The following ARNT2 variants were observed in gnomAD, a reference collection of about 807,000 sequenced individuals.
ARNT2 encodes the protein ARNT protein 2.
ARNT2 carries 36 observed loss-of-function variants against 91.7 expected under a neutral mutation model. The ratio of observed to expected loss-of-function variants is 0.39; its 90% confidence interval spans 0.30 to 0.52. ARNT2 has a LOEUF of 0.52. ARNT2 is among the 20% of genes least tolerant of loss of function. The pLI is 0.72. For missense variants in ARNT2, 775 were observed against 939.3 expected, an observed-to-expected ratio of 0.83 and a Z score of 2.29; for synonymous variants, 365 against 347.1, an observed-to-expected ratio of 1.05 and a Z score of -0.57.
chr15:80,455,569 C>A (rs1896470041), intron 2 of ARNT2, among the ~76,000 whole-genome samples: 1 of 152,068 alleles, frequency 6.6e-6, no homozygotes, highest in Admixed American at 6.5e-5. Flanking sequence ...GGGTAAAGAA[C>A]AGAACTCTTT....
At chr15:80,483,284 A>G (rs1896917045) in intron 5 of ARNT2, among the ~76,000 whole-genome samples, 1 of 146,446 alleles carries the variant, frequency 6.8e-6, no homozygotes. Context: ...CTGCTGAACT[A>G]AAGAATTTAG....
chr15:80,565,595 C>T (rs1414573136), intron 12 of ARNT2, among the ~76,000 whole-genome samples: 1 of 150,414 alleles, frequency 6.6e-6, no homozygotes, highest in Non-Finnish European at 1.5e-5. Flanking sequence ...GATGGTATCT[C>T]ATTGTGGTTT....
chr15:80,562,716 A>G (rs549053557), intron 11 of ARNT2: 1 of 263,526 alleles, frequency 3.8e-6, no homozygotes, highest in African/African-American at 2.2e-5. Flanking sequence ...CTTGGGGGTG[A>G]GTGGAGAGCA....
rs116735765 is a variant in ARNT2, at chr15:80,494,396, G to A, written c.623-13760G>A. Among the ~76,000 whole-genome samples, 1,348 of 152,192 alleles carry A rather than the reference G, an allele frequency of 8.9e-3. 17 individuals carry two copies. The highest frequency in any genetic ancestry group is 0.031 in the African/African-American group (1,293 of 41,500). ...AGCCTGGTCTCCTGGCATATACTGG[G>A]CTGCCTTTCCACAGCCAAGGAGGGT... On this transcript the variant is annotated intron_variant, in intron 5 of 18. Coordinates refer to ENST00000303329, the MANE Select transcript of ARNT2 (RefSeq NM_014862.4).
chr15:80,596,979 A>T lies in ARNT2; in HGVS notation c.*3281A>T. The T allele has an allele frequency of 5.5e-6, 2 of 361,464 alleles. No individual in the cohort carries two copies. Among genetic ancestry groups the T allele is most frequent in the Non-Finnish European group, 1.1e-5 (2 of 183,262 alleles). 22.4% of individuals were successfully genotyped at this position (361,464 alleles called of 1,614,324 possible). On this transcript the variant is annotated 3_prime_UTR_variant, in exon 19 of 19. Transcript: ENST00000303329. ...AGTGACAGCCATCACAAATAGCCAC[A>T]TTCTGCTCTACTCTCCAACATACCA...
At chr15:80,533,779 G>A (rs952398196) in intron 8 of ARNT2, among the ~76,000 whole-genome samples, 2 of 152,252 alleles carry the variant, frequency 1.3e-5, no homozygotes, top group Non-Finnish European at 2.9e-5. Flanking sequence ...TGCCAGTGAA[G>A]ATGAAGCTAA....
At chr15:80,588,679 C>A (rs1432706901) in intron 17 of ARNT2, among the ~76,000 whole-genome samples, 2 of 152,166 alleles carry the variant, frequency 1.3e-5, no homozygotes, top group African/African-American at 4.8e-5. Flanking sequence ...AACAGACTGA[C>A]CCTTTTCTCT....
At chr15:80,522,826 A>G (rs1897574986) in intron 8 of ARNT2, among the ~76,000 whole-genome samples, 1 of 146,528 alleles carries the variant, frequency 6.8e-6, no homozygotes, top group Non-Finnish European at 1.5e-5. Flanking sequence ...GTGTGTATAT[A>G]TATATATATA....
At chr15:80,522,971 A>G (rs113408853) in intron 8 of ARNT2, among the ~76,000 whole-genome samples, 10 of 152,030 alleles carry the variant, frequency 6.6e-5, no homozygotes, top group African/African-American at 2.4e-4. Context: ...CAGAGCCTGG[A>G]CCTCAGCTTT....
At chr15:80,414,970 G>A (rs1021428516) in intron 1 of ARNT2, among the ~76,000 whole-genome samples, 12 of 152,182 alleles carry the variant, frequency 7.9e-5, no homozygotes, top group African/African-American at 2.9e-4. Flanking sequence ...AGGCAGCACT[G>A]GACACTTATG....
At chr15:80,551,056 G>C in intron 8 of ARNT2, 143 bp from the exon 9 acceptor site, 1 of 705,784 alleles carries the variant, frequency 1.4e-6, no homozygotes, top group East Asian at 2.5e-5. Context: ...GTGAGGAACT[G>C]GTTAATTCAT....
At chr15:80,513,072 C>A (rs1037417759) in intron 6 of ARNT2, among the ~76,000 whole-genome samples, 2 of 152,204 alleles carry the variant, frequency 1.3e-5, no homozygotes, top group African/African-American at 4.8e-5. Flanking sequence ...CAGAGTATAA[C>A]TAGACTCTTA....
intron 12 of ARNT2, among the ~76,000 whole-genome samples, chr15:80,570,993 G>T (rs577396778): frequency 5.4e-4 from 82 of 152,344 alleles, no homozygotes; most frequent in Non-Finnish European, 2.2e-4. Context: ...CATCAGCACA[G>T]ACGGCATGGC....
At chr15:80,465,132 T>C (rs1003110778) in intron 3 of ARNT2, among the ~76,000 whole-genome samples, 21 of 152,226 alleles carry the variant, frequency 1.4e-4, no homozygotes, top group African/African-American at 4.6e-4. Flanking sequence ...GAAAGCCTTG[T>C]TTGTTCAGTA....
At chr15:80,423,850 G>A (rs1895896477) in intron 1 of ARNT2, among the ~76,000 whole-genome samples, 1 of 151,922 alleles carries the variant, frequency 6.6e-6, no homozygotes, top group Non-Finnish European at 1.5e-5. Context: ...AGACAGCCCA[G>A]TTCAAACTAA....
intron 8 of ARNT2, among the ~76,000 whole-genome samples, chr15:80,549,274 C>T (rs1489006947): frequency 1.3e-5 from 2 of 152,076 alleles, no homozygotes; most frequent in Admixed American, 1.3e-4. Context: ...ATAAAAGTAT[C>T]AGAGGAAAAC....
chr15:80,525,903 A>G (rs1483782602), intron 8 of ARNT2, among the ~76,000 whole-genome samples: 1 of 152,240 alleles, frequency 6.6e-6, no homozygotes, highest in Non-Finnish European at 1.5e-5. Context: ...GTTAGGAAGT[A>G]TGAAGATTCT....
chr15:80,450,935 C>A lies in ARNT2; in HGVS notation c.87C>A (p.Ala29=). The change falls in exon 2 of 19, where the codon GCC becomes GCA. Residue 29 remains alanine (A), a synonymous_variant. Coordinates refer to ENST00000303329, the MANE Select transcript of ARNT2 (RefSeq NM_014862.4). Reference sequence around the variant, plus strand: ...CGTTGCCCGTTGCCCCCATGGCGGCCACCGGACAGGTGAGGATGGCGGGGG... The same window carrying A: ...CGTTGCCCGTTGCCCCCATGGCGGCAACCGGACAGGTGAGGATGGCGGGGG... ...SVTLPVAPMA[A]TGQVRMAGAM... is the part of the protein sequence containing the mutation. 1 of 1,614,216 alleles carries A rather than the reference C, an allele frequency of 6.2e-7. No homozygotes were observed. The highest frequency in any genetic ancestry group is 1.3e-5 in the African/African-American group (1 of 75,066).
rs543642824 is a variant in ARNT2 at position 80,456,901 on chromosome 15, C to G, written c.147-1028C>G. The stretch of plus-strand genomic sequence containing the variant: ...GCCAGGCAGGCTGGCCTTCCTTCTC[C>G]TTGAATTCCATGGGAACTGTGCCTC... On this transcript the variant is annotated intron_variant, in intron 2 of 18. Transcript: ENST00000303329. Among the ~76,000 whole-genome samples, 5 of 151,362 alleles carry G rather than the reference C, an allele frequency of 3.3e-5. No individual in the cohort carries two copies. In the South Asian group the frequency reaches 8.3e-4, roughly 25 times the overall value.
Sources: allele counts gnomAD v4.1 joint callset (sites outside exome capture counted in the v4.1 genomes callset), GRCh38; gene constraint gnomAD v4.1.1; transcripts MANE v1.5; gene names NCBI Gene and HGNC (gene_info 2026-07-23, HGNC 2026-07-21).